Variants in COL27A1 observed in about 807,000 individuals in gnomAD.
COL27A1 encodes the protein collagen alpha-1(XXVII) chain.
COL27A1 carries 106 observed loss-of-function variants against 251.3 expected under a neutral mutation model. The observed-to-expected ratio is 0.42, with a 90% confidence interval of 0.36 to 0.50. The LOEUF is 0.50. Among genes scored for constraint, COL27A1 ranks in the 20% least tolerant of loss-of-function variants. The pLI is 0.00. For missense variants in COL27A1, 2,325 were observed against 2,522.8 expected (o/e 0.92, Z 1.68); for synonymous variants, 1,000 against 986.3 (o/e 1.01, Z -0.26).
intron 36 of COL27A1, among the ~76,000 whole-genome samples, chr9:114,274,667 C>A (rs917008015): frequency 6.6e-6 from 1 of 152,162 alleles, no homozygotes; most frequent in Middle Eastern, 3.2e-3. Flanking sequence ...TAGAGCAAAG[C>A]AGTAACTATA....
At position 114,288,923 on chromosome 9, in the gene COL27A1, G is replaced by A. The variant is rs761605397; in HGVS notation, c.4108G>A (p.Gly1370Ser). The change falls in exon 44 of 61, where the codon GGT becomes AGT. Residue 1370 changes from glycine (G) to serine (S), a missense_variant. Gly to Ser is a moderately conservative substitution (Grantham distance 56, BLOSUM62 0). Coordinates refer to ENST00000356083, the MANE Select transcript of COL27A1 (RefSeq NM_032888.4). ...PGDPGYPGQE[G>S]VQGLRGKPGQ... ...TCTCTTTGGCTTCCAGGGACAGGAG[G>A]GTGTGCAAGGCCTCCGTGGAAAGCC... The A allele has an allele frequency of 6.2e-7, 1 of 1,613,702 alleles. No homozygotes were observed. Among genetic ancestry groups the A allele is most frequent in the Admixed American group, 1.7e-5 (1 of 60,022 alleles).
chr9:114,279,518 T>G (rs1207075941), intron 37 of COL27A1, among the ~76,000 whole-genome samples: 1 of 152,128 alleles, frequency 6.6e-6, no homozygotes, highest in Non-Finnish European at 1.5e-5. Flanking sequence ...GTAGCCACCT[T>G]TAAAAACAGC....
At position 114,235,668 on chromosome 9, in the gene COL27A1, T is replaced by C. The variant is rs778269225; in HGVS notation, c.2619+16T>C. ...AGGAGACAAGGTAATTGCATGAGAT[T>C]TTCCCCTCCCCCTGCCCCTGCCCCT... is the stretch of plus-strand genomic sequence containing the variant. On this transcript the variant is annotated intron_variant, in intron 17 of 60. Coordinates refer to ENST00000356083, the MANE Select transcript of COL27A1 (RefSeq NM_032888.4). 13 of 1,605,246 alleles carry C rather than the reference T, an allele frequency of 8.1e-6. No individual in the cohort carries two copies. The highest frequency in any genetic ancestry group is 1.1e-5 in the Non-Finnish European group (13 of 1,172,336).
intron 19 of COL27A1, among the ~76,000 whole-genome samples, chr9:114,239,872 C>T (rs530416582): frequency 2.6e-5 from 4 of 152,322 alleles, no homozygotes; most frequent in East Asian, 1.9e-4. Flanking sequence ...CAGGGCAAGG[C>T]GTGGCTGGCT....
chr9:114,168,729 G>C lies in COL27A1; in HGVS notation c.1174G>C (p.Ala392Pro), dbSNP rs757506521. Residue 392 changes from alanine to proline, a missense_variant, in exon 3 of 61, where the codon GCT becomes CCT. Coordinates refer to ENST00000356083, the MANE Select transcript of COL27A1 (RefSeq NM_032888.4). Reference protein sequence around the residue: ...IKSPHPTQKTAPSSFTKSALP... With the variant: ...IKSPHPTQKTPPSSFTKSALP... ...AAGCCCCCATCCTACCCAGAAAACA[G>C]CTCCATCTTCATTTACAAAGTCAGC... The C allele has an allele frequency of 6.2e-7, 1 of 1,613,988 alleles. No homozygotes were observed. Among genetic ancestry groups the C allele is most frequent in the Non-Finnish European group, 8.5e-7 (1 of 1,180,034 alleles).
intron 34 of COL27A1, 39 bp downstream of exon 34, chr9:114,267,596 A>G: frequency 6.3e-7 from 1 of 1,575,130 alleles, no homozygotes. Flanking sequence ...GACTTGTTGA[A>G]ACCAGCTCCC....
intron 40 of COL27A1, among the ~76,000 whole-genome samples, chr9:114,284,022 G>T (rs1422974625): frequency 6.6e-6 from 1 of 152,238 alleles, no homozygotes; most frequent in Admixed American, 6.5e-5. Context: ...TCCTGCCCAG[G>T]GTGGGCGCTC....
In COL27A1 at chr9:114,168,494, G is replaced by A. The variant is rs35739679; in HGVS notation, c.939G>A (p.Ala313=). The change falls in exon 3 of 61, where the codon GCG becomes GCA. Residue 313 remains alanine, a synonymous_variant. Transcript: ENST00000356083. Reference sequence around the variant, plus strand: ...CCACAAACCCTCACCAGCATATGGCGGTGGGAGGCCCAGCCCAAACCCCGC... The same window carrying A: ...CCACAAACCCTCACCAGCATATGGCAGTGGGAGGCCCAGCCCAAACCCCGC... ...TSPTNPHQHM[A]VGGPAQTPLL... is the part of the protein sequence containing the mutation. 3,722 of 1,613,848 alleles carry A rather than the reference G, an allele frequency of 2.3e-3. 61 individuals are homozygous for A. In the African/African-American group the frequency reaches 0.04, roughly 18 times the overall value.
chr9:114,270,902 C>G, intron 36 of COL27A1, 121 bp downstream of exon 36: 2 of 777,968 alleles, frequency 2.6e-6, no homozygotes, highest in Non-Finnish European at 4.3e-6. Context: ...ACAGCTCCAG[C>G]TCCCATTGAC....
chr9:114,186,646 T>A (rs1325984238), intron 5 of COL27A1, among the ~76,000 whole-genome samples: 2 of 152,102 alleles, frequency 1.3e-5, no homozygotes, highest in Non-Finnish European at 2.9e-5. Flanking sequence ...TGGAGGAGGC[T>A]GGTGAGGGCA....
At chr9:114,169,702 C>G (rs1179790009) in intron 3 of COL27A1, among the ~76,000 whole-genome samples, 1 of 152,210 alleles carries the variant, frequency 6.6e-6, no homozygotes, top group Non-Finnish European at 1.5e-5. Flanking sequence ...GTGGCTACCC[C>G]CAGGTGAAGA....
At chr9:114,226,407 C>T (rs930219842) in intron 14 of COL27A1, among the ~76,000 whole-genome samples, 1 of 152,224 alleles carries the variant, frequency 6.6e-6, no homozygotes, top group Non-Finnish European at 1.5e-5. Flanking sequence ...CCAATTTACA[C>T]TTAAGGAAAC....
intron 3 of COL27A1, among the ~76,000 whole-genome samples, chr9:114,175,010 C>T (rs1827297673): frequency 2.1e-4 from 2 of 9,704 alleles, no homozygotes; most frequent in African/African-American, 1.4e-3. Context: ...CTTTGGTCTC[C>T]TAAACCCCAG....
chr9:114,219,684 A>T, intron 12 of COL27A1, 107 bp from the exon 13 acceptor site: 1 of 785,400 alleles, frequency 1.3e-6, no homozygotes, highest in Non-Finnish European at 2.2e-6. Flanking sequence ...AAGGAGTGAG[A>T]CTGCTTGGAC....
intron 40 of COL27A1, 80 bp downstream of exon 40, chr9:114,283,842 CA>C: frequency 7.1e-7 from 1 of 1,409,270 alleles, no homozygotes; most frequent in Admixed American, 1.7e-5. Context: ...GCCTCTGCCC[CA>C]CCACCTCCCA....
intron 5 of COL27A1, among the ~76,000 whole-genome samples, chr9:114,193,014 T>TGCACGTGTATGTGTGTGC (rs1344630202): frequency 6.7e-6 from 1 of 149,838 alleles, no homozygotes; most frequent in Non-Finnish European, 1.5e-5. Context: ...TGTGTGTGTG[T>TGCACGTGTATGTGTGTGC]GCACGTGTAT....
rs1834674980 is a variant in COL27A1, at chr9:114,265,465, C to T, written c.3383C>T (p.Pro1128Leu). 6.2e-7 allele frequency: 1 copy of T among 1,613,792 alleles called. No individual in the cohort carries two copies. Among genetic ancestry groups the T allele is most frequent in the African/African-American group, 1.3e-5 (1 of 74,948 alleles). The change falls in exon 32 of 61, where the codon CCA becomes CTA. Residue 1128 changes from proline to leucine, a missense_variant. Pro to Leu is a moderately conservative substitution (Grantham distance 98). Around this residue, in one of 4 missense-constraint regions of COL27A1, gnomAD observed 662 missense variants for 795.3 expected, o/e 0.83. Coordinates refer to ENST00000356083, the MANE Select transcript of COL27A1 (RefSeq NM_032888.4). Reference protein sequence around the residue: ...PSGPPGTKGLPGEPGPQGPQG... With the variant: ...PSGPPGTKGLLGEPGPQGPQG... ...GGCCCCCCAGGCACCAAGGGCCTCC[C>T]AGGAGAACCGGTAAGAGCCCTTTCC...
chr9:114,222,185 T>C (rs1398773411), intron 13 of COL27A1, 38 bp from the exon 14 acceptor site: 1 of 1,603,762 alleles, frequency 6.2e-7, no homozygotes, highest in Non-Finnish European at 8.5e-7. Context: ...TGGAGGGAGA[T>C]GGGACAAGTA....
chr9:114,252,526 C>G, intron 25 of COL27A1, 67 bp from the exon 26 acceptor site: 1 of 1,412,296 alleles, frequency 7.1e-7, no homozygotes, highest in Non-Finnish European at 1.0e-6. Flanking sequence ...GCCCTCTGCA[C>G]CTGCCTCCCA....
Sources: allele counts gnomAD v4.1 joint callset (sites outside exome capture counted in the v4.1 genomes callset), GRCh38; gene constraint gnomAD v4.1.1; regional missense constraint gnomAD v4.1.1; transcripts MANE v1.5; gene names NCBI Gene and HGNC (gene_info 2026-07-23, HGNC 2026-07-21).